The following ROBO1 variants were observed in gnomAD, a reference collection of about 807,000 sequenced individuals.
The protein encoded by ROBO1 is roundabout guidance receptor 1.
A neutral mutation model predicts 195.9 loss-of-function variants in ROBO1; 149 were observed. The observed-to-expected ratio is 0.76, with a 90% CI of 0.67 to 0.87. The LOEUF (loss-of-function observed/expected upper bound fraction) is 0.87, where lower values mean the gene tolerates loss of function less well. ROBO1 is among the 40% of genes least tolerant of loss of function. The pLI is 0.00. For synonymous variants in ROBO1, 816 were observed against 733.2 expected (o/e 1.11, Z -1.82); for missense variants, 1,933 against 2,068.3 (o/e 0.93, Z 1.27).
chr3:79,689,086 T>C (rs1947225131), intron 1 of ROBO1, among the ~76,000 whole-genome samples: 1 of 151,976 alleles, frequency 6.6e-6, no homozygotes, highest in Non-Finnish European at 1.5e-5. Flanking sequence ...TTTTTATATA[T>C]AGTCATCGAA....
At chr3:79,005,379 A>G (rs1440909592) in intron 3 of ROBO1, among the ~76,000 whole-genome samples, 1 of 152,202 alleles carries the variant, frequency 6.6e-6, no homozygotes, top group African/African-American at 2.4e-5. Flanking sequence ...AATGATCCCC[A>G]ATGGGACTAC....
intron 1 of ROBO1, among the ~76,000 whole-genome samples, chr3:79,684,110 T>C (rs1397053334): frequency 6.6e-6 from 1 of 152,138 alleles, no homozygotes; most frequent in Non-Finnish European, 1.5e-5. Flanking sequence ...CACCAATACA[T>C]GTTATGGTCC....
Position 79,754,061 on chromosome 3 carries a change from G to A in ROBO1, c.-51+13691C>T, listed in dbSNP as rs187590940. ...AAGGATACAAGGAAATACCTTGTGA[G>A]AAAAGATTATGAAAACTTTGACCAA... On this transcript the variant is annotated intron_variant, in intron 1 of 30. Transcript: ENST00000464233. 5.9e-5 allele frequency among the ~76,000 whole-genome samples: 9 copies of A among 152,184 alleles called. No homozygotes were observed. The East Asian group carries it at 1.7e-3, about 29-fold the overall frequency.
intron 18 of ROBO1, among the ~76,000 whole-genome samples, chr3:78,654,178 A>G (rs1706852540): frequency 6.6e-6 from 1 of 152,220 alleles, no homozygotes; most frequent in African/African-American, 2.4e-5. Flanking sequence ...GGAAGGAAAA[A>G]TAAGCAACGT....
intron 4 of ROBO1, among the ~76,000 whole-genome samples, chr3:78,796,259 A>C (rs553744292): frequency 5.8e-5 from 1 of 17,098 alleles, no homozygotes; most frequent in African/African-American, 2.6e-4. Flanking sequence ...AAAGAATAAC[A>C]AATAATAAGA....
intron 3 of ROBO1, among the ~76,000 whole-genome samples, chr3:78,949,758 C>T (rs1327020578): frequency 6.6e-6 from 1 of 152,074 alleles, no homozygotes. Flanking sequence ...TCGCAACCTA[C>T]TCATCTGACA....
chr3:78,815,390 G>T (rs2084868040), intron 4 of ROBO1, among the ~76,000 whole-genome samples: 1 of 152,104 alleles, frequency 6.6e-6, no homozygotes, highest in African/African-American at 2.4e-5. Flanking sequence ...ACACACAAAT[G>T]ATAAGAAAAT....
intron 1 of ROBO1, among the ~76,000 whole-genome samples, chr3:79,658,118 T>C (rs1946223742): frequency 6.6e-6 from 1 of 152,086 alleles, no homozygotes; most frequent in African/African-American, 2.4e-5. Context: ...CTTTCTTTGA[T>C]TGAAAAGGAA....
intron 4 of ROBO1, among the ~76,000 whole-genome samples, chr3:78,863,451 G>C (rs9847098): frequency 1.3e-5 from 2 of 152,058 alleles, no homozygotes; most frequent in Non-Finnish European, 2.9e-5. Context: ...TGAAGAAACC[G>C]TGTGAATGCA....
chr3:79,679,108 T>G (rs2106957149), intron 1 of ROBO1, among the ~76,000 whole-genome samples: 1 of 152,152 alleles, frequency 6.6e-6, no homozygotes, highest in Non-Finnish European at 1.5e-5. Flanking sequence ...TTACACTTCC[T>G]CTAATTAACA....
intron 2 of ROBO1, among the ~76,000 whole-genome samples, chr3:79,572,076 G>A (rs866576146): frequency 4.6e-5 from 7 of 151,928 alleles, no homozygotes; most frequent in Admixed American, 1.3e-4. Flanking sequence ...TGGGTGCAGC[G>A]CACCAGCATG....
intron 2 of ROBO1, among the ~76,000 whole-genome samples, chr3:79,285,160 AGTTT>A (rs2031808542): frequency 6.6e-6 from 1 of 152,176 alleles, no homozygotes; most frequent in African/African-American, 2.4e-5. Flanking sequence ...TTTATTCAAG[AGTTT>A]ATATATGGCT....
chr3:79,375,395 G>C (rs192610213), intron 2 of ROBO1, among the ~76,000 whole-genome samples: 2 of 152,344 alleles, frequency 1.3e-5, no homozygotes, highest in Non-Finnish European at 2.9e-5. Context: ...CTTAATGTAT[G>C]ATGGGATTTT....
At chr3:78,628,400 A>G (rs543085219) in intron 25 of ROBO1, among the ~76,000 whole-genome samples, 3 of 152,158 alleles carry the variant, frequency 2.0e-5, no homozygotes, top group Admixed American at 2.0e-4. Flanking sequence ...GTTGGCTTGC[A>G]TTTAGGCTGG....
chr3:78,885,099 C>A (rs2107304080), intron 4 of ROBO1, among the ~76,000 whole-genome samples: 1 of 152,166 alleles, frequency 6.6e-6, no homozygotes, highest in East Asian at 1.9e-4. Flanking sequence ...AGATCACGTC[C>A]TTTGCAGGGA....
At chr3:78,975,799 A>C (rs867294486) in intron 3 of ROBO1, among the ~76,000 whole-genome samples, 2 of 152,166 alleles carry the variant, frequency 1.3e-5, no homozygotes, top group South Asian at 4.1e-4. Context: ...GGTATTCTGC[A>C]ACAAATACAA....
chr3:79,212,004 A>G (rs1056892550), intron 2 of ROBO1, among the ~76,000 whole-genome samples: 3 of 152,242 alleles, frequency 2.0e-5, no homozygotes, highest in Non-Finnish European at 2.9e-5. Context: ...CTTACGGGAA[A>G]CAAAGGGATG....
At chr3:79,325,717 C>T (rs529849777) in intron 2 of ROBO1, among the ~76,000 whole-genome samples, 1 of 152,254 alleles carries the variant, frequency 6.6e-6, no homozygotes, top group African/African-American at 2.4e-5. Flanking sequence ...CAAGTGATTT[C>T]CTATGCCCAT....
chr3:79,547,648 A>G (rs1188169523), intron 2 of ROBO1, among the ~76,000 whole-genome samples: 1 of 152,210 alleles, frequency 6.6e-6, no homozygotes, highest in Non-Finnish European at 1.5e-5. Context: ...TTGTGCAGAC[A>G]TGAGCAGAGA....
Sources: allele counts gnomAD v4.1 joint callset (sites outside exome capture counted in the v4.1 genomes callset), GRCh38; gene constraint gnomAD v4.1.1; transcripts MANE v1.5; gene names NCBI Gene and HGNC (gene_info 2026-07-23, HGNC 2026-07-21).